Variants in CKAP5 observed in about 807,000 individuals in gnomAD.
CKAP5 encodes the protein cytoskeleton associated protein 5.
CKAP5 carries 27 observed loss-of-function variants against 232.8 expected under a neutral mutation model. The ratio of observed to expected loss-of-function variants is 0.12; its 90% CI spans 0.09 to 0.16. The LOEUF (loss-of-function observed/expected upper bound fraction) is 0.16. Ranked by LOEUF, CKAP5 falls within the 10% of genes least tolerant of loss-of-function variation. The probability of loss-of-function intolerance (pLI) is 1.00; values close to 1 mark genes in which losing one functional copy is unlikely to be tolerated. For missense variants in CKAP5, 1,838 were observed against 2,424.7 expected (o/e 0.76, Z 5.08); for synonymous variants, 785 against 841.1 (o/e 0.93, Z 1.16).
intron 42 of CKAP5, 74 bp from the exon 43 acceptor site, chr11:46,744,651 C>A: frequency 7.3e-7 from 1 of 1,366,708 alleles, no homozygotes; most frequent in South Asian, 1.3e-5. Context: ...GTTAATCTCC[C>A]ACCAAAAAGA....
chr11:46,816,466 G>A (rs937075426), intron 3 of CKAP5, 62 bp from the exon 4 acceptor site: 16 of 1,283,884 alleles, frequency 1.2e-5, no homozygotes, highest in African/African-American at 5.9e-5. Context: ...AAAAGGTCAC[G>A]GAAAGGGGGT....
At chr11:46,813,435 A>G (rs1319950271) in intron 4 of CKAP5, among the ~76,000 whole-genome samples, 1 of 152,174 alleles carries the variant, frequency 6.6e-6, no homozygotes, top group Non-Finnish European at 1.5e-5. Flanking sequence ...GCAAGTCCAC[A>G]TGGAAAATAG....
chr11:46,790,055 C>T, intron 15 of CKAP5, 21 bp downstream of exon 15: 1 of 1,486,748 alleles, frequency 6.7e-7, no homozygotes, highest in Non-Finnish European at 9.3e-7. Flanking sequence ...CTTTCACACT[C>T]AATTCTTCCC....
chr11:46,797,320 T>C (rs11038994), intron 11 of CKAP5, among the ~76,000 whole-genome samples: 21,169 of 151,924 alleles, frequency 0.14, 2,478 homozygotes, highest in East Asian at 0.61. Context: ...TGAGCCAAGA[T>C]TGTGTCACTG....
intron 17 of CKAP5, among the ~76,000 whole-genome samples, chr11:46,783,862 C>T (rs966425729): frequency 2.0e-5 from 3 of 151,598 alleles, no homozygotes; most frequent in African/African-American, 7.3e-5. Context: ...TGCACCACCA[C>T]GCCTGGCTAA....
chr11:46,751,576 T>G, intron 38 of CKAP5, 42 bp from the exon 39 acceptor site: 1 of 1,500,928 alleles, frequency 6.7e-7, no homozygotes, highest in Non-Finnish European at 9.0e-7. Context: ...GACTGAAGAA[T>G]GAGGATAATT....
intron 32 of CKAP5, 152 bp downstream of exon 32, chr11:46,761,848 G>C (rs1434512435): frequency 1.8e-6 from 1 of 569,918 alleles, no homozygotes; most frequent in Non-Finnish European, 3.1e-6. Flanking sequence ...ACACCTCAAG[G>C]GTCTATCTGG....
At chr11:46,809,074 G>A (rs560844010) in intron 7 of CKAP5, among the ~76,000 whole-genome samples, 4 of 152,334 alleles carry the variant, frequency 2.6e-5, no homozygotes, top group African/African-American at 9.6e-5. Context: ...CTAAGGTCAA[G>A]AAACCTTGGG....
At chr11:46,804,888 G>A (rs866653191) in intron 8 of CKAP5, among the ~76,000 whole-genome samples, 5 of 151,470 alleles carry the variant, frequency 3.3e-5, no homozygotes, top group Non-Finnish European at 5.9e-5. Context: ...CATAGGCATA[G>A]GCACATGACA....
chr11:46,801,346 A>G (rs761913607), intron 8 of CKAP5, 42 bp from the exon 9 acceptor site: 1 of 1,417,776 alleles, frequency 7.1e-7, no homozygotes, highest in South Asian at 1.1e-5. Context: ...AGTCACAGCC[A>G]TGTAGAAGGG....
rs1432325639 is a variant in CKAP5 at position 46,762,210 on chromosome 11, G to A, written c.4028-17C>T. ...CCAGGCACTCTGATGGGGGAGAAAG[G>A]CTAGATTAATGAGACAACACATATT... On this transcript the variant is annotated splice_polypyrimidine_tract_variant and intron_variant, in intron 31 of 43. Transcript: ENST00000529230. 2 of 1,609,712 alleles carry A rather than the reference G, an allele frequency of 1.2e-6. No individual in the cohort carries two copies. The highest frequency in any genetic ancestry group is 1.3e-5 in the African/African-American group (1 of 74,854).
rs530655540 is a variant in CKAP5 at position 46,744,595 on chromosome 11, G to A, written c.5705-18C>T. On this transcript the variant is annotated intron_variant, in intron 42 of 43. Transcript: ENST00000529230. The stretch of plus-strand genomic sequence containing the variant: ...GGAGATGCCTAGAGGGGAAAAAGTA[G>A]AAAGAATATTCAGATATCCACATAT... 11 of 1,611,640 alleles carry A rather than the reference G, an allele frequency of 6.8e-6. No individual in the cohort carries two copies. In the South Asian group the frequency reaches 1.2e-4, roughly 18 times the overall value.
intron 20 of CKAP5, 29 bp from the exon 21 acceptor site, chr11:46,778,628 T>A: frequency 6.2e-7 from 1 of 1,604,108 alleles, no homozygotes; most frequent in Non-Finnish European, 8.5e-7. Context: ...GTAAGGCTAA[T>A]GAAATTTATA....
chr11:46,784,362 C>A (rs1294859182), intron 17 of CKAP5, 126 bp downstream of exon 17: 20 of 762,234 alleles, frequency 2.6e-5, no homozygotes, highest in East Asian at 5.1e-5. Context: ...AACTCCATCT[C>A]AAAAAAAATG....
intron 1 of CKAP5, among the ~76,000 whole-genome samples, chr11:46,834,959 C>T (rs1406802872): frequency 6.8e-6 from 1 of 147,688 alleles, no homozygotes; most frequent in East Asian, 2.1e-4. Context: ...CATGCACCAC[C>T]ACTCCCAGCT....
rs141353876 is a variant in CKAP5 at position 46,760,921 on chromosome 11, A to T, written c.4222-137T>A. 9.7e-4 allele frequency: 707 copies of T among 731,662 alleles called. 7 individuals are homozygous for T. In the African/African-American group the frequency reaches 0.012, roughly 12 times the overall value. The allele number at this position is 731,662 out of a possible 1,614,324, so 45.3% of individuals were successfully genotyped here. On this transcript the variant is annotated intron_variant, in intron 32 of 43. Coordinates refer to ENST00000529230, the MANE Select transcript of CKAP5 (RefSeq NM_001008938.4). ...CATTTCAAAATCAACTACTATTAAT[A>T]CCTGCCTAGCTGCTATAGGAAGAGG...
At chr11:46,799,982 C>T (rs763417448) in intron 9 of CKAP5, among the ~76,000 whole-genome samples, 1 of 150,162 alleles carries the variant, frequency 6.7e-6, no homozygotes, top group Non-Finnish European at 1.5e-5. Context: ...GCCTGGGTGA[C>T]AAAGTGAGAC....
chr11:46,754,877 G>C lies in CKAP5; in HGVS notation c.4869+11C>G. The C allele has an allele frequency of 6.2e-7, 1 of 1,609,056 alleles. No individual in the cohort carries two copies. Among genetic ancestry groups the C allele is most frequent in the Middle Eastern group, 1.7e-4 (1 of 6,042 alleles). ...TGATGGGAAGCTGAAATTCTGCAGA[G>C]GTGCCCTTACCGAAATCATGTTGCC... On this transcript the variant is annotated intron_variant, in intron 36 of 43. Transcript: ENST00000529230.
chr11:46,751,644 T>C (rs2065065366), intron 38 of CKAP5, 110 bp from the exon 39 acceptor site: 4 of 883,046 alleles, frequency 4.5e-6, no homozygotes, highest in Non-Finnish European at 6.9e-6. Context: ...GCCAGGGCTA[T>C]AAATGTGGCA....
Sources: allele counts gnomAD v4.1 joint callset (sites outside exome capture counted in the v4.1 genomes callset), GRCh38; gene constraint gnomAD v4.1.1; transcripts MANE v1.5; gene names NCBI Gene and HGNC (gene_info 2026-07-23, HGNC 2026-07-21).